Variants in OPN3 observed in about 807,000 individuals in gnomAD.
OPN3 encodes opsin 3.
In OPN3, 29 loss-of-function variants were observed where a neutral mutation model predicts 33.8. That is an observed-to-expected ratio of 0.86 (90% CI 0.64 to 1.17). The LOEUF is 1.17. OPN3 is among the 50% of genes most tolerant of loss of function. OPN3 has a pLI of 0.00. For synonymous variants in OPN3, 216 were observed against 216.1 expected (o/e 1.00, Z 0.00); for missense variants, 437 against 514.1 (o/e 0.85, Z 1.45).
intron 1 of OPN3, among the ~76,000 whole-genome samples, chr1:241,625,004 T>A (rs1170034582): frequency 6.6e-6 from 1 of 152,216 alleles, no homozygotes; most frequent in African/African-American, 2.4e-5. Flanking sequence ...TGGCATCCAG[T>A]TAGTGCTAAG....
chr1:241,635,607 C>G (rs1558448332), intron 1 of OPN3: 3 of 1,614,078 alleles, frequency 1.9e-6, no homozygotes, highest in Non-Finnish European at 2.5e-6. Flanking sequence ...GATAGCAATC[C>G]TGAAAAGCTG....
chr1:241,628,806 A>G (rs1027103105), intron 1 of OPN3: 1 of 152,296 alleles, frequency 6.6e-6, no homozygotes, highest in Non-Finnish European at 1.5e-5. Flanking sequence ...TTAATTTAAA[A>G]TAGAATTTTA....
At chr1:241,598,128 G>T in intron 2 of OPN3, 131 bp from the exon 3 acceptor site, 1 of 1,025,546 alleles carries the variant, frequency 9.8e-7, no homozygotes. Context: ...TGGCACCTTG[G>T]CAGGCTGACT....
At chr1:241,628,813 T>C (rs1478220483) in intron 1 of OPN3, 1 of 152,316 alleles carries the variant, frequency 6.6e-6, no homozygotes, top group Non-Finnish European at 1.5e-5. Flanking sequence ...AAAATAGAAT[T>C]TTAGAAACTT....
chr1:241,616,514 C>T lies in OPN3; in HGVS notation c.374-11935G>A, dbSNP rs574233563. 3.3e-4 allele frequency among the ~76,000 whole-genome samples: 50 copies of T among 152,138 alleles called. 2 individuals carry two copies. The South Asian group carries it at 0.01, about 30-fold the overall frequency. ...CTATATTTTGGTACAATTCTGTGTA[C>T]TTATGTCTTACCTCTCCAATTAAAT... On this transcript the variant is annotated intron_variant, in intron 1 of 3. Transcript: ENST00000366554.
chr1:241,594,571 C>T lies in OPN3; in HGVS notation c.1066G>A (p.Asp356Asn). ...QIRPIVMSQKDGDRPKKKVTF... is the reference protein window; with the variant it reads ...QIRPIVMSQKNGDRPKKKVTF... ...ACTTTTTTCTTTGGCCTGTCCCCAT[C>T]TTTCTGTGACATCACAATGGGTCTG... is the stretch of plus-strand genomic sequence containing the variant. The change falls in exon 4 of 4, where the codon GAT becomes AAT. Residue 356 changes from aspartate (D) to asparagine (N), a missense_variant. Asp to Asn is a conservative substitution (Grantham distance 23, BLOSUM62 1). Coordinates refer to ENST00000366554, the MANE Select transcript of OPN3 (RefSeq NM_014322.3). 6.2e-7 allele frequency: 1 copy of T among 1,614,148 alleles called. No homozygotes were observed. Among genetic ancestry groups the T allele is most frequent in the Non-Finnish European group, 8.5e-7 (1 of 1,179,998 alleles).
chr1:241,617,964 T>C (rs1470843277), intron 1 of OPN3, among the ~76,000 whole-genome samples: 2 of 152,026 alleles, frequency 1.3e-5, no homozygotes, highest in Non-Finnish European at 2.9e-5. Context: ...CTTGGAAGTC[T>C]TAGTCATCCT....
chr1:241,613,065 T>C (rs1664038785), intron 1 of OPN3, among the ~76,000 whole-genome samples: 2 of 152,250 alleles, frequency 1.3e-5, no homozygotes, highest in Admixed American at 1.3e-4. Flanking sequence ...TTTAATATGC[T>C]TGAAAAAGTT....
chr1:241,627,158 A>G (rs1664443646), intron 1 of OPN3, among the ~76,000 whole-genome samples: 1 of 152,204 alleles, frequency 6.6e-6, no homozygotes, highest in Non-Finnish European at 1.5e-5. Flanking sequence ...TATCAGAATA[A>G]AGAGATCGTT....
chr1:241,632,220 G>A (rs1035886128), intron 1 of OPN3: 25 of 152,926 alleles, frequency 1.6e-4, no homozygotes, highest in Non-Finnish European at 2.9e-4. Context: ...CTTGTCCACC[G>A]CCATGTAAGA....
chr1:241,620,433 G>C (rs901530452), intron 1 of OPN3, among the ~76,000 whole-genome samples: 12 of 152,270 alleles, frequency 7.9e-5, no homozygotes, highest in African/African-American at 2.9e-4. Flanking sequence ...GGCCATGAAG[G>C]CAGAGCCCTG....
In OPN3 at chr1:241,597,792, G is replaced by A. The variant is rs780348058; in HGVS notation, c.899C>T (p.Ser300Leu). Reference sequence around the variant, plus strand: ...AATCACTGGATTGTATACAGTGTTCGATTTAGCAAAGAGGTACGAAACAAT... The same window carrying A: ...AATCACTGGATTGTATACAGTGTTCAATTTAGCAAAGAGGTACGAAACAAT... ...ISIVSYLFAK[S>L]NTVYNPVIYV... Residue 300 changes from serine to leucine, a missense_variant, in exon 3 of 4, where the codon TCG (serine) becomes TTG (leucine). Transcript: ENST00000366554. 8.7e-6 allele frequency: 14 copies of A among 1,613,668 alleles called. No homozygotes were observed. Among genetic ancestry groups the A allele is most frequent in the East Asian group, 6.7e-5 (3 of 44,844 alleles).
At chr1:241,633,815 T>C in intron 1 of OPN3, 2 of 1,613,758 alleles carry the variant, frequency 1.2e-6, no homozygotes, top group Non-Finnish European at 1.7e-6. Context: ...AAGGTGCTTC[T>C]CTGGGCTTTC....
intron 1 of OPN3, among the ~76,000 whole-genome samples, chr1:241,625,344 G>T (rs1664386979): frequency 6.6e-6 from 1 of 152,094 alleles, no homozygotes; most frequent in Admixed American, 6.5e-5. Flanking sequence ...TGTGTAATTT[G>T]ATTAATTTGC....
At chr1:241,617,295 C>A (rs896837992) in intron 1 of OPN3, among the ~76,000 whole-genome samples, 2 of 152,316 alleles carry the variant, frequency 1.3e-5, no homozygotes, top group East Asian at 3.9e-4. Flanking sequence ...TGTTTCTCAG[C>A]AATGGCGAAG....
intron 1 of OPN3, chr1:241,632,089 T>C (rs1212890615): frequency 1.3e-5 from 2 of 152,178 alleles, no homozygotes; most frequent in Non-Finnish European, 2.9e-5. Flanking sequence ...GGGAGGAACC[T>C]GGTGGGAGAT....
intron 1 of OPN3, among the ~76,000 whole-genome samples, chr1:241,622,553 A>G (rs1367396838): frequency 1.3e-5 from 2 of 152,228 alleles, no homozygotes; most frequent in African/African-American, 4.8e-5. Flanking sequence ...CCCAGAATGC[A>G]GGAGTGCTGC....
At chr1:241,598,299 G>T (rs144301225) in intron 2 of OPN3, among the ~76,000 whole-genome samples, 39 of 152,092 alleles carry the variant, frequency 2.6e-4, no homozygotes, top group African/African-American at 9.4e-4. Flanking sequence ...ATTTTGCCTA[G>T]ATCTTCAAGT....
intron 1 of OPN3, chr1:241,636,193 A>C: frequency 2.5e-6 from 1 of 399,414 alleles, no homozygotes. Flanking sequence ...CCTCTACTAA[A>C]GCATGTCTTA....
Sources: allele counts gnomAD v4.1 joint callset (sites outside exome capture counted in the v4.1 genomes callset), GRCh38; gene constraint gnomAD v4.1.1; transcripts MANE v1.5; gene names NCBI Gene and HGNC (gene_info 2026-07-23, HGNC 2026-07-21).